The following MSH3 variants were observed in gnomAD, a reference collection of about 807,000 sequenced individuals.
The protein encoded by MSH3 is DNA mismatch repair protein Msh3.
A neutral mutation model predicts 123.3 loss-of-function variants in MSH3; 106 were observed. The observed-to-expected ratio is 0.86, with a 90% CI of 0.73 to 1.01. The LOEUF is 1.01. Among genes scored for constraint, MSH3 ranks in the 50% least tolerant of loss-of-function variants. The pLI, the probability that MSH3 is intolerant of heterozygous loss-of-function variation, is 0.00. For synonymous variants in MSH3, 515 were observed against 481.4 expected, an observed-to-expected ratio of 1.07 and a Z score of -0.91; for missense variants, 1,459 against 1,347.6, an observed-to-expected ratio of 1.08 and a Z score of -1.29.
chr5:80,733,754 A>G (rs948613736), intron 10 of MSH3, among the ~76,000 whole-genome samples: 3 of 152,298 alleles, frequency 2.0e-5, no homozygotes, highest in South Asian at 2.1e-4. Context: ...GGTAAATTCA[A>G]ATCAATGCCA....
intron 22 of MSH3, among the ~76,000 whole-genome samples, chr5:80,865,804 A>T (rs150791478): frequency 3.4e-4 from 52 of 152,326 alleles, no homozygotes; most frequent in Admixed American, 7.2e-4. Context: ...AGTAATAGGG[A>T]TGGACCTGAA....
chr5:80,677,915 C>T (rs1021239038), intron 7 of MSH3, among the ~76,000 whole-genome samples: 5 of 152,158 alleles, frequency 3.3e-5, no homozygotes, highest in African/African-American at 9.7e-5. Context: ...TTCTAGTTTA[C>T]AGTTGTACAG....
intron 8 of MSH3, among the ~76,000 whole-genome samples, chr5:80,722,588 C>A (rs1459592695): frequency 1.3e-5 from 2 of 152,134 alleles, no homozygotes; most frequent in African/African-American, 4.8e-5. Flanking sequence ...CCGGGCCCCA[C>A]CCAACACCTG....
intron 3 of MSH3, among the ~76,000 whole-genome samples, chr5:80,669,269 C>T (rs1377306070): frequency 1.3e-5 from 2 of 152,102 alleles, no homozygotes; most frequent in South Asian, 2.1e-4. Context: ...CTCTCTCACT[C>T]TCCCCTCTTC....
Position 80,767,967 on chromosome 5 carries a change from C to T in MSH3, c.1931C>T (p.Thr644Ile), listed in dbSNP as rs1367636496. Residue 644 changes from threonine to isoleucine, a missense_variant, in exon 14 of 24, where the codon ACT becomes ATT. Physicochemically the swap from Thr to Ile is moderately conservative, Grantham distance 89. Coordinates refer to ENST00000265081, the MANE Select transcript of MSH3 (RefSeq NM_002439.5). ...STQEFFLIVK[T>I]LYHLKSEFQA... ...CAAGAGTTCTTCTTGATTGTCAAAA[C>T]TTTATATCACCTAAAGTCAGAATTT... The T allele has an allele frequency of 1.9e-6, 3 of 1,612,942 alleles. No homozygotes were observed. The highest frequency in any genetic ancestry group is 2.2e-5 in the East Asian group (1 of 44,828).
At chr5:80,814,794 A>G (rs995269119) in intron 20 of MSH3, among the ~76,000 whole-genome samples, 3 of 152,214 alleles carry the variant, frequency 2.0e-5, no homozygotes, top group Non-Finnish European at 4.4e-5. Flanking sequence ...TTTTTACTCT[A>G]TGAACATTAC....
At chr5:80,831,772 A>T (rs772362533) in intron 20 of MSH3, among the ~76,000 whole-genome samples, 6 of 151,936 alleles carry the variant, frequency 3.9e-5, no homozygotes, top group Non-Finnish European at 7.4e-5. Flanking sequence ...AGTGAATGGG[A>T]ACATCTTCAG....
At chr5:80,871,660 C>T (rs200499346) in intron 22 of MSH3, among the ~76,000 whole-genome samples, 3 of 152,250 alleles carry the variant, frequency 2.0e-5, no homozygotes, top group East Asian at 1.9e-4. Flanking sequence ...CACAACATGG[C>T]GGCTGGCTTC....
At chr5:80,777,748 C>T (rs1316469161) in intron 16 of MSH3, among the ~76,000 whole-genome samples, 2 of 152,156 alleles carry the variant, frequency 1.3e-5, no homozygotes, top group African/African-American at 2.4e-5. Context: ...AATCCAGCAA[C>T]TTGGCAAATT....
At chr5:80,705,101 G>T (rs979688057) in intron 8 of MSH3, among the ~76,000 whole-genome samples, 1 of 152,210 alleles carries the variant, frequency 6.6e-6, no homozygotes, top group Admixed American at 6.5e-5. Flanking sequence ...ATGAAACATA[G>T]TGCTCATTAA....
chr5:80,793,055 T>C (rs772485603), intron 19 of MSH3, among the ~76,000 whole-genome samples: 3 of 152,256 alleles, frequency 2.0e-5, no homozygotes, highest in Non-Finnish European at 4.4e-5. Flanking sequence ...AAAAGTTTAG[T>C]TCTAATTAGT....
intron 20 of MSH3, among the ~76,000 whole-genome samples, chr5:80,827,325 A>T (rs555574755): frequency 6.6e-6 from 1 of 152,328 alleles, no homozygotes; most frequent in Non-Finnish European, 1.5e-5. Context: ...CTCTTCTGAC[A>T]CCCAGCTTCA....
intron 5 of MSH3, among the ~76,000 whole-genome samples, 170 bp from the exon 6 acceptor site, chr5:80,672,571 A>G (rs56017175): frequency 5.9e-5 from 9 of 152,354 alleles, no homozygotes; most frequent in South Asian, 4.1e-4. Context: ...ACTCTATGAT[A>G]GTGTTTCTTA....
chr5:80,844,883 G>A (rs558934598), intron 20 of MSH3, among the ~76,000 whole-genome samples: 1 of 152,188 alleles, frequency 6.6e-6, no homozygotes, highest in South Asian at 2.1e-4. Context: ...TTTAATTGTG[G>A]CATTTAGCCC....
At chr5:80,820,315 A>T (rs1225017227) in intron 20 of MSH3, among the ~76,000 whole-genome samples, 1 of 152,222 alleles carries the variant, frequency 6.6e-6, no homozygotes. Context: ...CTTAAAACAA[A>T]TTTTTATTGT....
At chr5:80,725,407 A>G (rs1358843188) in intron 8 of MSH3, 46 bp from the exon 9 acceptor site, 2 of 1,342,650 alleles carry the variant, frequency 1.5e-6, no homozygotes, top group Non-Finnish European at 1.1e-6. Flanking sequence ...CCAGCATTTC[A>G]TGATAATGGA....
In MSH3 at chr5:80,744,389, C is replaced by G. The variant is rs566875435; in HGVS notation, c.1654-117C>G. The G allele has an allele frequency of 2.0e-5, 14 of 714,538 alleles. No individual in the cohort carries two copies. The African/African-American group carries it at 2.3e-4, about 12-fold the overall frequency. The allele number at this position is 714,538 out of a possible 1,614,324, so 44.3% of individuals were successfully genotyped here. A position where few individuals can be genotyped will look rare whatever the true frequency, so the allele number is the denominator to read the frequency against. Reference sequence around the variant, plus strand: ...CATCTGTCAAACATTAAATGAACACCTGTTATGAGCCACATTGTGCTAGGT... The same window carrying G: ...CATCTGTCAAACATTAAATGAACACGTGTTATGAGCCACATTGTGCTAGGT... On this transcript the variant is annotated intron_variant, in intron 11 of 23. Coordinates refer to ENST00000265081, the MANE Select transcript of MSH3 (RefSeq NM_002439.5).
At chr5:80,774,183 G>A (rs1239594005) in intron 15 of MSH3, among the ~76,000 whole-genome samples, 1 of 152,152 alleles carries the variant, frequency 6.6e-6, no homozygotes, top group African/African-American at 2.4e-5. Context: ...TGATTTCAGA[G>A]AACCTTATTT....
At chr5:80,757,344 A>G (rs1743944600) in intron 12 of MSH3, among the ~76,000 whole-genome samples, 1 of 152,156 alleles carries the variant, frequency 6.6e-6, no homozygotes, top group East Asian at 1.9e-4. Flanking sequence ...TAACTATACA[A>G]AATTATCTTA....
Sources: allele counts gnomAD v4.1 joint callset (sites outside exome capture counted in the v4.1 genomes callset), GRCh38; gene constraint gnomAD v4.1.1; transcripts MANE v1.5; gene names NCBI Gene and HGNC (gene_info 2026-07-23, HGNC 2026-07-21).